Variants in PBX1 observed in about 807,000 individuals in gnomAD.
The protein encoded by PBX1 is pre-B-cell leukemia transcription factor 1.
PBX1 carries 6 observed loss-of-function variants against 53.4 expected under a neutral mutation model. That is an observed-to-expected ratio of 0.11 (90% CI 0.06 to 0.22). PBX1 has a LOEUF of 0.22. Ranked by LOEUF, PBX1 falls within the 10% of genes least tolerant of loss-of-function variation. The pLI is 1.00. For synonymous variants in PBX1, 204 were observed against 212.3 expected (o/e 0.96, Z 0.34); for missense variants, 251 against 551.4 (o/e 0.46, Z 5.46).
At chr1:164,741,294 C>T (rs894335457) in intron 2 of PBX1, among the ~76,000 whole-genome samples, 7 of 152,298 alleles carry the variant, frequency 4.6e-5, no homozygotes, top group South Asian at 2.1e-4. Flanking sequence ...GCCAGAAGGA[C>T]TTTTTGGTAA....
chr1:164,791,382 C>T (rs1175966758), intron 2 of PBX1, among the ~76,000 whole-genome samples: 1 of 152,204 alleles, frequency 6.6e-6, no homozygotes, highest in Non-Finnish European at 1.5e-5. Context: ...TTCCCTGAAA[C>T]CCTGGAGACA....
At chr1:164,578,656 C>T (rs1474266969) in intron 2 of PBX1, among the ~76,000 whole-genome samples, 3 of 152,116 alleles carry the variant, frequency 2.0e-5, no homozygotes, top group Non-Finnish European at 4.4e-5. Flanking sequence ...CTCCCAAAGC[C>T]CATGACAGGA....
At chr1:164,673,613 G>C (rs181612419) in intron 2 of PBX1, among the ~76,000 whole-genome samples, 1 of 151,988 alleles carries the variant, frequency 6.6e-6, no homozygotes, top group African/African-American at 2.4e-5. Flanking sequence ...TGGGATTACA[G>C]GTGTGAGCCA....
intron 2 of PBX1, among the ~76,000 whole-genome samples, chr1:164,615,612 C>T (rs934476473): frequency 6.6e-6 from 1 of 152,062 alleles, no homozygotes; most frequent in African/African-American, 2.4e-5. Context: ...AACAGCCAGC[C>T]GCCGCACCGT....
At chr1:164,645,310 CT>C (rs1659389027) in intron 2 of PBX1, among the ~76,000 whole-genome samples, 1 of 152,168 alleles carries the variant, frequency 6.6e-6, no homozygotes, top group Non-Finnish European at 1.5e-5. Flanking sequence ...CTTTTGGCCC[CT>C]ATCTGTCCCA....
At chr1:164,867,719 T>C (rs1672251929) in intron 2 of PBX1, among the ~76,000 whole-genome samples, 1 of 152,142 alleles carries the variant, frequency 6.6e-6, no homozygotes, top group Admixed American at 6.5e-5. Flanking sequence ...TCAGATGAGG[T>C]TTCAGTCACC....
intron 2 of PBX1, among the ~76,000 whole-genome samples, chr1:164,617,100 C>T (rs1278179263): frequency 6.6e-6 from 1 of 152,154 alleles, no homozygotes; most frequent in Non-Finnish European, 1.5e-5. Context: ...TATGCTAAAG[C>T]TCATTGGCCA....
chr1:164,588,829 C>T (rs968889169), intron 2 of PBX1, among the ~76,000 whole-genome samples: 18 of 152,290 alleles, frequency 1.2e-4, no homozygotes, highest in African/African-American at 4.3e-4. Flanking sequence ...CCCTTTATCC[C>T]TCCGCCCCCA....
At chr1:164,747,375 CAT>C (rs1665953270) in intron 2 of PBX1, among the ~76,000 whole-genome samples, 1 of 151,318 alleles carries the variant, frequency 6.6e-6, no homozygotes, top group Non-Finnish European at 1.5e-5. Context: ...TATATACATA[CAT>C]ATTTCAAAGT....
intron 2 of PBX1, among the ~76,000 whole-genome samples, chr1:164,631,917 G>A (rs2101880519): frequency 6.6e-6 from 1 of 152,326 alleles, no homozygotes; most frequent in East Asian, 1.9e-4. Flanking sequence ...GTTGTGACTT[G>A]CTTGTTCCAC....
chr1:164,855,528 G>A (rs115490898), downstream of PBX1, among the ~76,000 whole-genome samples: 1 of 152,150 alleles, frequency 6.6e-6, no homozygotes, highest in African/African-American at 2.4e-5. Context: ...CCCAGTGTTG[G>A]CCTGACCCAC....
At chr1:164,861,551 A>G (rs75849817) in intron 2 of PBX1, among the ~76,000 whole-genome samples, 1 of 152,082 alleles carries the variant, frequency 6.6e-6, no homozygotes, top group Non-Finnish European at 1.5e-5. Flanking sequence ...AATAAGGAAA[A>G]AACTTTGACC....
At chr1:164,638,292 G>A (rs185866472) in intron 2 of PBX1, among the ~76,000 whole-genome samples, 118 of 152,330 alleles carry the variant, frequency 7.7e-4, no homozygotes, top group African/African-American at 2.6e-3. Flanking sequence ...CTCTGCCCTA[G>A]CCATAGTGAG....
At chr1:164,702,094 T>C (rs576113954) in intron 2 of PBX1, among the ~76,000 whole-genome samples, 2 of 152,300 alleles carry the variant, frequency 1.3e-5, no homozygotes, top group African/African-American at 2.4e-5. Flanking sequence ...GTATAGCTTG[T>C]ATAGTAATTC....
chr1:164,739,108 A>T (rs372524420), intron 2 of PBX1, among the ~76,000 whole-genome samples: 1 of 152,340 alleles, frequency 6.6e-6, no homozygotes, highest in African/African-American at 2.4e-5. Context: ...TGAGTAAGCG[A>T]ACCTAGTTTC....
chr1:164,694,941 C>G (rs1333363486), intron 2 of PBX1, among the ~76,000 whole-genome samples: 1 of 152,126 alleles, frequency 6.6e-6, no homozygotes, highest in African/African-American at 2.4e-5. Flanking sequence ...CTTAAGCAGC[C>G]CATCGCATCT....
chr1:164,778,636 CAA>C (rs35701840), intron 2 of PBX1, among the ~76,000 whole-genome samples: 11 of 136,316 alleles, frequency 8.1e-5, no homozygotes, highest in Admixed American at 7.6e-5. Flanking sequence ...GACCCTTTCT[CAA>C]AAAAAAAAAA....
At chr1:164,627,922 A>T (rs2101871103) in intron 2 of PBX1, among the ~76,000 whole-genome samples, 1 of 152,316 alleles carries the variant, frequency 6.6e-6, no homozygotes, top group South Asian at 2.1e-4. Flanking sequence ...CTATGACCGT[A>T]TATTTGAAAC....
At chr1:164,801,037 G>A (rs963166612) in intron 4 of PBX1, among the ~76,000 whole-genome samples, 21 of 151,864 alleles carry the variant, frequency 1.4e-4, no homozygotes, top group South Asian at 4.2e-4. Context: ...TCTTTAAAAC[G>A]CCCTGGCATC....
Sources: gnomAD v4.1 joint callset for allele counts (sites outside exome capture counted in the v4.1 genomes callset) on GRCh38, gnomAD v4.1.1 for gene constraint, MANE v1.5 for transcripts, NCBI Gene and HGNC (gene_info 2026-07-23, HGNC 2026-07-21) for gene names.